Variants in CREBBP observed in about 807,000 individuals in gnomAD.
CREBBP encodes CREB-binding protein.
Under a neutral mutation model 265.0 loss-of-function variants are expected in CREBBP, and 19 were observed. The ratio of observed to expected loss-of-function variants is 0.07; its 90% CI spans 0.05 to 0.11. CREBBP has a LOEUF of 0.11. Among genes scored for constraint, CREBBP ranks in the 10% least tolerant of loss-of-function variants. The pLI is 1.00. For synonymous variants in CREBBP, 1,457 were observed against 1,223.7 expected, an observed-to-expected ratio of 1.19 and a Z score of -3.98; for missense variants, 2,525 against 3,219.0, an observed-to-expected ratio of 0.78 and a Z score of 5.22.
rs926690409 is a variant in CREBBP, at chr16:3,729,605, C to A, written c.5442G>T (p.Gly1814=). ...TGAGCTGCTTGCACACCGGGCAGCC[C>A]CCGTTGGTCTTGCGTTTGCAGCCCT... ...HTKGCKRKTN[G]GCPVCKQLIA... The change falls in exon 31 of 31, where the codon GGG becomes GGT. Residue 1814 remains glycine, a synonymous_variant. Coordinates refer to ENST00000262367, the MANE Select transcript of CREBBP (RefSeq NM_004380.3). 1 of 1,614,154 alleles carries A rather than the reference C, an allele frequency of 6.2e-7. No individual in the cohort carries two copies. The highest frequency in any genetic ancestry group is 8.5e-7 in the Non-Finnish European group (1 of 1,180,008).
intron 3 of CREBBP, among the ~76,000 whole-genome samples, chr16:3,807,096 G>C (rs1217514043): frequency 2.0e-5 from 3 of 152,316 alleles, no homozygotes; most frequent in Non-Finnish European, 4.4e-5. Flanking sequence ...AGTGAGCTCT[G>C]TGTCACTCCC....
At chr16:3,749,330 G>C (rs2052421326) in intron 21 of CREBBP, among the ~76,000 whole-genome samples, 1 of 152,132 alleles carries the variant, frequency 6.6e-6, no homozygotes, top group Non-Finnish European at 1.5e-5. Flanking sequence ...AAAGATTCAT[G>C]CTAAATGGCT....
chr16:3,827,010 T>C lies in CREBBP; in HGVS notation c.799-16231A>G, dbSNP rs78094098. Reference sequence around the variant, plus strand: ...CTAAAACTGTTCTCAACATAGAGTCTACTCAGTCAGTTGCACCGCCTGTAG... The same window carrying C: ...CTAAAACTGTTCTCAACATAGAGTCCACTCAGTCAGTTGCACCGCCTGTAG... On this transcript the variant is annotated intron_variant, in intron 2 of 30. Transcript: ENST00000262367. Among the ~76,000 whole-genome samples the C allele has an allele frequency of 6.4e-3, 974 of 152,272 alleles. 9 individuals are homozygous for C. The highest frequency in any genetic ancestry group is 0.022 in the African/African-American group (894 of 41,530).
intron 21 of CREBBP, among the ~76,000 whole-genome samples, chr16:3,749,339 C>T (rs1382531134): frequency 6.6e-6 from 1 of 152,160 alleles, no homozygotes; most frequent in Non-Finnish European, 1.5e-5. Flanking sequence ...TGCTAAATGG[C>T]TTCTTAAAGA....
At chr16:3,852,627 T>C (rs1278035263) in intron 1 of CREBBP, among the ~76,000 whole-genome samples, 1 of 152,120 alleles carries the variant, frequency 6.6e-6, no homozygotes, top group Non-Finnish European at 1.5e-5. Flanking sequence ...AAAGTATTTG[T>C]AGTATATGAA....
intron 4 of CREBBP, among the ~76,000 whole-genome samples, chr16:3,792,822 C>G (rs1239248728): frequency 6.6e-6 from 1 of 152,240 alleles, no homozygotes; most frequent in African/African-American, 2.4e-5. Flanking sequence ...AAAGGGGAGA[C>G]AGAGGGCACG....
chr16:3,809,248 G>A (rs1490170534), intron 3 of CREBBP, among the ~76,000 whole-genome samples: 3 of 151,266 alleles, frequency 2.0e-5, no homozygotes, highest in Non-Finnish European at 2.9e-5. Context: ...CGCGATCTCC[G>A]CTCACTGCAA....
intron 3 of CREBBP, among the ~76,000 whole-genome samples, chr16:3,809,785 C>T (rs544016851): frequency 6.6e-6 from 1 of 152,026 alleles, no homozygotes; most frequent in African/African-American, 2.4e-5. Flanking sequence ...AGACAAAAAG[C>T]AACTTTTTCT....
intron 14 of CREBBP, among the ~76,000 whole-genome samples, chr16:3,769,946 A>T (rs1280212585): frequency 6.6e-6 from 1 of 151,718 alleles, no homozygotes; most frequent in Non-Finnish European, 1.5e-5. Context: ...TCTCGGCTCG[A>T]TACAATTTCT....
chr16:3,725,906 T>C lies in CREBBP; in HGVS notation c.*1812A>G, dbSNP rs1290362308. 6 of 232,832 alleles carry C rather than the reference T, an allele frequency of 2.6e-5. No homozygotes were observed. Among genetic ancestry groups the C allele is most frequent in the East Asian group, 1.2e-4 (2 of 16,550 alleles). The allele number at this position is 232,832 out of a possible 1,614,324, so 14.4% of individuals were successfully genotyped here. A position where few individuals can be genotyped will look rare whatever the true frequency, so the allele number is the denominator to read the frequency against. ...TGGGTTCTCTGGGTGCTGGGGGTGG[T>C]AGACTTAGGGGATGAACTTCAGCTC... On this transcript the variant is annotated 3_prime_UTR_variant, in exon 31 of 31. Transcript: ENST00000262367.
In CREBBP at chr16:3,728,017, G is replaced by A. The variant is rs1299672210; in HGVS notation, c.7030C>T (p.Arg2344Trp). ...QIATSLSNQVRSPAPVQSPRP... is the reference protein window; with the variant it reads ...QIATSLSNQVWSPAPVQSPRP... ...GGAGACTGGACAGGGGCTGGAGACC[G>A]CACCTGGTTACTAAGGGACGTGGCG... Residue 2344 changes from arginine (R) to tryptophan (W), a missense_variant, in exon 31 of 31, where the codon CGG (arginine) becomes TGG (tryptophan). Physicochemically the swap from Arg to Trp is moderately radical, Grantham distance 101. This residue lies in a region of CREBBP where 473 missense variants were observed against 459.3 expected (regional missense o/e 1.03). Coordinates refer to ENST00000262367, the MANE Select transcript of CREBBP (RefSeq NM_004380.3). The surrounding 1 kb of genome is among the most constrained non-coding windows in gnomAD (Gnocchi z 8.7). The A allele has an allele frequency of 3.7e-6, 6 of 1,610,698 alleles. No homozygotes were observed. Among genetic ancestry groups the A allele is most frequent in the Admixed American group, 1.7e-5 (1 of 59,920 alleles).
chr16:3,777,045 T>G (rs113820223), intron 11 of CREBBP, among the ~76,000 whole-genome samples: 1 of 125,096 alleles, frequency 8.0e-6, no homozygotes, highest in African/African-American at 3.0e-5. Flanking sequence ...GAAAATAAAG[T>G]AAAATAAAAA....
intron 2 of CREBBP, among the ~76,000 whole-genome samples, chr16:3,831,873 T>C (rs1334646482): frequency 6.6e-6 from 1 of 152,082 alleles, no homozygotes; most frequent in Non-Finnish European, 1.5e-5. Context: ...GGTGTGCGCC[T>C]GTAAGCACAG....
chr16:3,821,285 G>A (rs11644593), intron 2 of CREBBP, among the ~76,000 whole-genome samples: 11,553 of 152,288 alleles, frequency 0.076, 621 homozygotes, highest in East Asian at 0.28. Flanking sequence ...CGCAGTGAGT[G>A]ACAACTGAGG....
intron 1 of CREBBP, among the ~76,000 whole-genome samples, chr16:3,862,399 G>A (rs893527275): frequency 4.6e-5 from 7 of 152,066 alleles, no homozygotes; most frequent in Admixed American, 1.3e-4. Context: ...GCCTCACTAC[G>A]GTAGGCAGGC....
At chr16:3,828,264 G>A (rs2054277546) in intron 2 of CREBBP, among the ~76,000 whole-genome samples, 1 of 152,078 alleles carries the variant, frequency 6.6e-6, no homozygotes, top group African/African-American at 2.4e-5. Context: ...AGCTAATTTT[G>A]TATTTTGAGT....
At chr16:3,879,611 G>A (rs1342924823) in intron 1 of CREBBP, among the ~76,000 whole-genome samples, 2 of 152,168 alleles carry the variant, frequency 1.3e-5, no homozygotes, top group Non-Finnish European at 2.9e-5. Context: ...GATCGGGTGC[G>A]GGGAGGCCGA....
At chr16:3,802,800 A>G (rs533078552) in intron 3 of CREBBP, among the ~76,000 whole-genome samples, 2 of 152,192 alleles carry the variant, frequency 1.3e-5, no homozygotes, top group Non-Finnish European at 1.5e-5. Context: ...AACCTTCCAC[A>G]TCGCAACAGG....
At chr16:3,852,035 CAAAAAAAAAAAAAAAAAAAAAAAAA>C (rs551018184) in intron 1 of CREBBP, among the ~76,000 whole-genome samples, 1,463 of 11,198 alleles carry the variant, frequency 0.13, 48 homozygotes, top group Middle Eastern at 0.28. Context: ...GACTCCATCT[CAAAAAAAAAAAAAAAAAAAAAAAAA>C]AAAAAAAAAA....
Sources: gnomAD v4.1 joint callset for allele counts (sites outside exome capture counted in the v4.1 genomes callset) on GRCh38, gnomAD v4.1.1 for gene constraint, gnomAD v4.1.1 regional missense constraint, Gnocchi (gnomAD v3.1) non-coding constraint, MANE v1.5 for transcripts, NCBI Gene and HGNC (gene_info 2026-07-23, HGNC 2026-07-21) for gene names.